CASP1: variants seen among roughly 807,000 people sequenced by gnomAD.
The protein encoded by CASP1 is caspase 1, also known as caspase-1.
CASP1 carries 31 observed loss-of-function variants against 41.2 expected under a neutral mutation model. The observed-to-expected ratio is 0.75, with a 90% confidence interval of 0.57 to 1.02. CASP1 has a LOEUF of 1.02. Ranked by LOEUF, CASP1 falls within the 50% of genes least tolerant of loss-of-function variation. CASP1 has a pLI of 0.00. For missense variants in CASP1, 490 were observed against 495.7 expected (o/e 0.99, Z 0.11); for synonymous variants, 163 against 166.5 (o/e 0.98, Z 0.16).
rs553049622 is a variant in CASP1, at chr11:105,029,597, A to C, written c.862+68T>G. On this transcript the variant is annotated intron_variant, in intron 6 of 8. Transcript: ENST00000533400. ...AAAGACAAACCAAAAGAAACCAAAA[A>C]TTCTTGGATGCATACAGAGTAGGAT... 20 of 1,194,630 alleles carry C rather than the reference A, an allele frequency of 1.7e-5. No individual in the cohort carries two copies. In the South Asian group the frequency reaches 2.6e-4, roughly 15 times the overall value. The allele number at this position is 1,194,630 out of a possible 1,614,324, so 74.0% of individuals were successfully genotyped here. A position where few individuals can be genotyped will look rare whatever the true frequency, so the allele number is the denominator to read the frequency against.
upstream of CASP1, chr11:105,035,169 C>CT: frequency 6.2e-7 from 1 of 1,612,746 alleles, no homozygotes; most frequent in Admixed American, 1.7e-5. Context: ...CTTCGCCTTC[C>CT]TTTTTGGCAG....
At chr11:105,033,990 C>G (rs1863859444) in intron 2 of CASP1, 2 of 846,510 alleles carry the variant, frequency 2.4e-6, no homozygotes, top group Non-Finnish European at 4.0e-6. Flanking sequence ...ATACTCAGAA[C>G]AGGAAATGAG....
intron 7 of CASP1, among the ~76,000 whole-genome samples, chr11:105,028,550 A>G (rs1863466365): frequency 6.6e-6 from 1 of 152,134 alleles, no homozygotes; most frequent in Admixed American, 6.6e-5. Context: ...TTAGTCAGCA[A>G]TTCAAGGAAA....
At chr11:105,031,064 A>G in intron 4 of CASP1, 101 bp downstream of exon 4, 1 of 710,016 alleles carries the variant, frequency 1.4e-6, no homozygotes. Flanking sequence ...ATTCTCCAGA[A>G]CTGCTCAATG....
At chr11:105,032,014 A>G (rs958550983) in intron 3 of CASP1, among the ~76,000 whole-genome samples, 1 of 152,196 alleles carries the variant, frequency 6.6e-6, no homozygotes, top group African/African-American at 2.4e-5. Flanking sequence ...ACAATCCAAC[A>G]ATGTGATGTC....
chr11:105,035,203 A>T, upstream of CASP1: 2 of 1,530,696 alleles, frequency 1.3e-6, no homozygotes, highest in Non-Finnish European at 1.8e-6. Flanking sequence ...ATTGGGAAAT[A>T]CTCACTGTGC....
intron 1 of CASP1, 125 bp from the exon 2 acceptor site, chr11:105,034,599 T>C (rs1173561212): frequency 1.2e-5 from 17 of 1,451,662 alleles, no homozygotes; most frequent in African/African-American, 2.8e-5. Flanking sequence ...AGTTGGGTAA[T>C]CCCTCTTCTT....
chr11:105,026,912 A>T lies in CASP1; in HGVS notation c.1046T>A (p.Phe349Tyr). ...CATATGTTCAATGAGTCTTCCAATA[A>T]AAACAGAGCCCATTGTGGGATGTCT... ...SWRHPTMGSV[F>Y]IGRLIEHMQE... Residue 349 changes from phenylalanine to tyrosine, a missense_variant, in exon 8 of 9, where the codon TTT (phenylalanine) becomes TAT (tyrosine). Physicochemically the swap from Phe to Tyr is conservative, Grantham distance 22. Transcript: ENST00000533400. 6.2e-7 allele frequency: 1 copy of T among 1,609,784 alleles called. No individual in the cohort carries two copies. The highest frequency in any genetic ancestry group is 8.5e-7 in the Non-Finnish European group (1 of 1,176,232).
intron 8 of CASP1, 88 bp downstream of exon 8, chr11:105,026,754 C>G (rs2134802999): frequency 1.3e-6 from 1 of 775,252 alleles, no homozygotes; most frequent in Non-Finnish European, 2.3e-6. Flanking sequence ...GGAAGATAAA[C>G]TTGTCTGGAT....
At chr11:105,035,618 G>GTTTTTTTTTTTTTGTTTTTTTTTTTTT (rs56746743), upstream of CASP1, among the ~76,000 whole-genome samples, 1 of 103,438 alleles carries the variant, frequency 9.7e-6, no homozygotes, top group Non-Finnish European at 1.8e-5. Flanking sequence ...TTTTCTTTCT[G>GTTTTTTTTTTTTTGTTTTTTTTTTTTT]TTTTTTTTTT....
intron 7 of CASP1, chr11:105,027,274 CA>C (rs1452254316): frequency 1.3e-5 from 7 of 546,188 alleles, no homozygotes; most frequent in Admixed American, 1.0e-4. Flanking sequence ...TGAGATAACC[CA>C]GGATATGCAA....
chr11:105,034,313 A>G lies in CASP1; in HGVS notation c.169T>C (p.Leu57=). 1 of 1,614,112 alleles carries G rather than the reference A, an allele frequency of 6.2e-7. No homozygotes were observed. Among genetic ancestry groups the G allele is most frequent in the Non-Finnish European group, 8.5e-7 (1 of 1,179,982 alleles). Residue 57 remains leucine (L), a synonymous_variant, in exon 2 of 9, where the codon TTG becomes CTG. Coordinates refer to ENST00000533400, the MANE Select transcript of CASP1 (RefSeq NM_001257118.3). ...CCTTTCGGAATAACGGAGTCAATCA[A>G]AGCTCGGGTCTTATCCATAACTGTA... ...NATVMDKTRA[L]IDSVIPKGAQ...
At chr11:105,028,446 GT>G (rs1279346552) in intron 7 of CASP1, among the ~76,000 whole-genome samples, 4 of 151,962 alleles carry the variant, frequency 2.6e-5, no homozygotes, top group African/African-American at 9.7e-5. Context: ...AATAATAGCA[GT>G]TTTTTAATGT....
rs972047899 is a variant in CASP1 at position 105,025,573 on chromosome 11, A to T, written c.*685T>A. The stretch of plus-strand genomic sequence containing the variant: ...ATTATTCAGCAGACATAATTCCAAA[A>T]ACCTTTACAGAAGGATCTCTTCACT... On this transcript the variant is annotated 3_prime_UTR_variant, in exon 9 of 9. Coordinates refer to ENST00000533400, the MANE Select transcript of CASP1 (RefSeq NM_001257118.3). 1 of 426,658 alleles carries T rather than the reference A, an allele frequency of 2.3e-6. No individual in the cohort carries two copies. Among genetic ancestry groups the T allele is most frequent in the Non-Finnish European group, 4.6e-6 (1 of 218,266 alleles). 26.4% of individuals were successfully genotyped at this position (426,658 alleles called of 1,614,324 possible).
chr11:105,029,333 CTGTTCAA>C, intron 6 of CASP1, 66 bp from the exon 7 acceptor site: 2 of 1,354,904 alleles, frequency 1.5e-6, no homozygotes, highest in South Asian at 2.6e-5. Flanking sequence ...CTCCTAGCCT[CTGTTCAA>C]TGATATTTAT....
At chr11:105,033,171 G>A in intron 2 of CASP1, 45 bp from the exon 3 acceptor site, 1 of 1,201,590 alleles carries the variant, frequency 8.3e-7, no homozygotes, top group Non-Finnish European at 1.2e-6. Context: ...TATCATCTCT[G>A]GAAAACTTTA....
chr11:105,031,925 G>A (rs951093703), intron 3 of CASP1, among the ~76,000 whole-genome samples: 6 of 152,124 alleles, frequency 3.9e-5, no homozygotes, highest in East Asian at 1.9e-4. Context: ...AACATTCATT[G>A]CACAGACACT....
In CASP1 at chr11:105,029,809, G is replaced by A. The variant is rs1407049827; in HGVS notation, c.718C>T (p.Arg240Trp). 1.2e-6 allele frequency: 2 copies of A among 1,613,550 alleles called. No homozygotes were observed. Among genetic ancestry groups the A allele is most frequent in the East Asian group, 2.2e-5 (1 of 44,880 alleles). ...TGTTTCTTCCCACAAATGCCTTCCC[G>A]AATACCATGAGACATGAACACCAGG... ...TFLVFMSHGI[R>W]EGICGKKHSE... Residue 240 changes from arginine (R) to tryptophan (W), a missense_variant, in exon 6 of 9, where the codon CGG becomes TGG. Arg to Trp is a moderately radical substitution (Grantham distance 101, BLOSUM62 -3). Transcript: ENST00000533400.
In CASP1 at chr11:105,030,443, C is replaced by A. The variant is rs768953462; in HGVS notation, c.514G>T (p.Glu172Ter). Residue 172 changes from glutamate to a stop codon, truncating the protein, a stop_gained, in exon 5 of 9, where the codon GAA becomes TAA. Transcript: ENST00000533400. LOFTEE classifies it high-confidence loss of function. ...TRLALIICNEEFDSIPRRTGA... is the reference protein window; with the variant it reads ...TRLALIICNE ...GTTCTTCTAGGAATACTGTCAAATT[C>A]TTCATTGCAGATAATGAGAGCAAGA... The A allele has an allele frequency of 6.2e-7, 1 of 1,613,578 alleles. No homozygotes were observed.
Sources: allele counts gnomAD v4.1 joint callset (sites outside exome capture counted in the v4.1 genomes callset), GRCh38; gene constraint gnomAD v4.1.1; transcripts MANE v1.5; gene names NCBI Gene and HGNC (gene_info 2026-07-23, HGNC 2026-07-21).